KIF15: variants seen among roughly 807,000 people sequenced by gnomAD.
The protein encoded by KIF15 is kinesin family member 15.
KIF15 carries 140 observed loss-of-function variants against 190.6 expected under a neutral mutation model. That is an observed-to-expected ratio of 0.73 (90% CI 0.64 to 0.84). The LOEUF is 0.84. KIF15 is among the 40% of genes least tolerant of loss of function. KIF15 has a pLI of 0.00. For synonymous variants in KIF15, 528 were observed against 551.3 expected, an observed-to-expected ratio of 0.96 and a Z score of 0.59; for missense variants, 1,372 against 1,584.4, an observed-to-expected ratio of 0.87 and a Z score of 2.28.
intron 15 of KIF15, 62 bp downstream of exon 15, chr3:44,805,230 T>A (rs80059929): frequency 0.043 from 62,426 of 1,468,328 alleles, 1,447 homozygotes; most frequent in Admixed American, 0.069. Context: ...TGCTGTAGTG[T>A]TAATATCGAT....
chr3:44,843,974 T>C (rs1698730610), intron 30 of KIF15, among the ~76,000 whole-genome samples: 1 of 152,224 alleles, frequency 6.6e-6, no homozygotes, highest in Non-Finnish European at 1.5e-5. Context: ...AGTTATTAAG[T>C]ACACAAGGTA....
intron 3 of KIF15, among the ~76,000 whole-genome samples, chr3:44,775,876 C>G (rs557927574): frequency 2.0e-5 from 3 of 151,460 alleles, no homozygotes; most frequent in Non-Finnish European, 4.4e-5. Context: ...GTCAGGAGAT[C>G]GAGATCATCC....
intron 25 of KIF15, among the ~76,000 whole-genome samples, chr3:44,830,338 C>T (rs1409050639): frequency 1.3e-5 from 2 of 152,070 alleles, no homozygotes; most frequent in Admixed American, 6.6e-5. Context: ...TCTCTGTGCA[C>T]TGTTTGGGAA....
intron 29 of KIF15, among the ~76,000 whole-genome samples, chr3:44,841,530 TG>T (rs1351194901): frequency 2.0e-5 from 3 of 151,900 alleles, no homozygotes; most frequent in Non-Finnish European, 2.9e-5. Flanking sequence ...CCCGAGTAGC[TG>T]GGACTACAGG....
chr3:44,850,405 T>A (rs748463759), intron 32 of KIF15, among the ~76,000 whole-genome samples: 7 of 152,226 alleles, frequency 4.6e-5, no homozygotes, highest in Non-Finnish European at 1.0e-4. Context: ...ATTTTAGAAC[T>A]AATATCTATT....
intron 16 of KIF15, among the ~76,000 whole-genome samples, chr3:44,806,571 G>T (rs1276489699): frequency 6.6e-6 from 1 of 152,168 alleles, no homozygotes; most frequent in Admixed American, 6.5e-5. Flanking sequence ...AAAACAAAAG[G>T]TTGAGGAGGT....
chr3:44,782,564 A>G (rs745565491), intron 5 of KIF15, among the ~76,000 whole-genome samples: 1 of 152,240 alleles, frequency 6.6e-6, no homozygotes. Flanking sequence ...GGCAGAGGGA[A>G]TACACAATTA....
intron 5 of KIF15, among the ~76,000 whole-genome samples, chr3:44,784,215 A>G (rs561318964): frequency 5.9e-5 from 9 of 152,314 alleles, no homozygotes; most frequent in Non-Finnish European, 1.2e-4. Flanking sequence ...TCTGTCGCCC[A>G]GGCTGGAGTG....
At chr3:44,762,522 G>GT (rs1167884352) in intron 1 of KIF15, among the ~76,000 whole-genome samples, 3 of 152,142 alleles carry the variant, frequency 2.0e-5, no homozygotes, top group African/African-American at 7.2e-5. Flanking sequence ...CTGTGCCTGT[G>GT]TACGTGCTCC....
downstream of KIF15, among the ~76,000 whole-genome samples, chr3:44,854,729 T>G (rs1017812638): frequency 6.6e-6 from 1 of 152,116 alleles, no homozygotes; most frequent in Non-Finnish European, 1.5e-5. Context: ...AATCAAGGTG[T>G]GAGTAGGGCC....
At chr3:44,832,904 A>G (rs1349766379) in intron 26 of KIF15, among the ~76,000 whole-genome samples, 2 of 150,844 alleles carry the variant, frequency 1.3e-5, no homozygotes, top group African/African-American at 4.9e-5. Context: ...AATCCCAGCT[A>G]TTCAGGAGGC....
In KIF15 at chr3:44,765,167, G is replaced by A. The variant is rs986116093; in HGVS notation, c.19+3283G>A. 2.0e-5 allele frequency among the ~76,000 whole-genome samples: 3 copies of A among 152,194 alleles called. No individual in the cohort carries two copies. The East Asian group carries it at 5.8e-4, about 29-fold the overall frequency. ...GTAGTTTTAAATTTCACTTTCTCTCGCTATTTGCTTATTAACTTTTCTTCT... is the reference window on the plus strand; with the variant it reads ...GTAGTTTTAAATTTCACTTTCTCTCACTATTTGCTTATTAACTTTTCTTCT... On this transcript the variant is annotated intron_variant, in intron 1 of 34. Transcript: ENST00000326047.
intron 7 of KIF15, 77 bp from the exon 8 acceptor site, chr3:44,794,140 C>A: frequency 7.9e-7 from 1 of 1,259,098 alleles, no homozygotes; most frequent in South Asian, 1.4e-5. Flanking sequence ...CATGGCCTCC[C>A]AAACTGCTAG....
intron 20 of KIF15, among the ~76,000 whole-genome samples, chr3:44,816,220 C>T (rs1329619070): frequency 2.6e-5 from 4 of 152,110 alleles, no homozygotes; most frequent in Admixed American, 1.3e-4. Context: ...TATTTATCTG[C>T]TGCTGCTGCT....
At chr3:44,797,785 G>C (rs759100371) in intron 9 of KIF15, 49 bp from the exon 10 acceptor site, 1 of 1,606,186 alleles carries the variant, frequency 6.2e-7, no homozygotes. Flanking sequence ...TGCTTAAAAA[G>C]GTCTTGTGAT....
chr3:44,854,484 C>T (rs539246237), downstream of KIF15, among the ~76,000 whole-genome samples: 3 of 151,744 alleles, frequency 2.0e-5, no homozygotes, highest in African/African-American at 4.8e-5. Context: ...ATAGTAAATC[C>T]GTAAGGGCCA....
chr3:44,786,287 T>C, intron 6 of KIF15, 108 bp from the exon 7 acceptor site: 4 of 832,940 alleles, frequency 4.8e-6, no homozygotes, highest in Non-Finnish European at 7.5e-6. Context: ...TAAAGGATAA[T>C]AGCATAGGAA....
chr3:44,779,266 C>T (rs1289453838), intron 4 of KIF15, among the ~76,000 whole-genome samples: 1 of 152,100 alleles, frequency 6.6e-6, no homozygotes, highest in Admixed American at 6.6e-5. Flanking sequence ...TGTGTTTTCC[C>T]TGACCTACGC....
At chr3:44,861,854 G>T in intron 6 of KIF15, 1 of 1,443,696 alleles carries the variant, frequency 6.9e-7, no homozygotes, top group Non-Finnish European at 9.3e-7. Context: ...GTCACGTGAG[G>T]CTGCCATCCA....
Sources: allele counts gnomAD v4.1 joint callset (sites outside exome capture counted in the v4.1 genomes callset), GRCh38; gene constraint gnomAD v4.1.1; transcripts MANE v1.5; gene names NCBI Gene and HGNC (gene_info 2026-07-23, HGNC 2026-07-21).